NUDCD3: variants seen among roughly 807,000 people sequenced by gnomAD.
The protein encoded by NUDCD3 is NudC domain containing 3, also known as nudC domain-containing protein 3.
In NUDCD3, 13 loss-of-function variants were observed where a neutral mutation model predicts 39.7. The ratio of observed to expected loss-of-function variants is 0.33; its 90% CI spans 0.21 to 0.52. The LOEUF (loss-of-function observed/expected upper bound fraction) is 0.52, where lower values mean the gene tolerates loss of function less well. Among genes scored for constraint, NUDCD3 ranks in the 20% least tolerant of loss-of-function variants. NUDCD3 has a pLI of 0.96. For missense variants in NUDCD3, 453 were observed against 458.1 expected (o/e 0.99, Z 0.10); for synonymous variants, 175 against 172.4 (o/e 1.02, Z -0.12).
intron 2 of NUDCD3, among the ~76,000 whole-genome samples, chr7:44,472,354 G>C (rs1374248444): frequency 6.6e-6 from 1 of 152,172 alleles, no homozygotes; most frequent in Non-Finnish European, 1.5e-5. Context: ...CGATATTGGT[G>C]TATAGGACTT....
intron 2 of NUDCD3, among the ~76,000 whole-genome samples, chr7:44,474,734 T>C (rs1158658588): frequency 6.6e-6 from 1 of 152,186 alleles, no homozygotes; most frequent in Non-Finnish European, 1.5e-5. Context: ...AAAAATGCAA[T>C]GTTTCTTGTG....
chr7:44,403,831 G>A (rs184195496), intron 4 of NUDCD3, among the ~76,000 whole-genome samples: 15 of 152,266 alleles, frequency 9.9e-5, no homozygotes, highest in Admixed American at 3.3e-4. Context: ...AAGGAAACAA[G>A]TTAGTTCAGA....
intron 2 of NUDCD3, among the ~76,000 whole-genome samples, chr7:44,466,802 G>T (rs529607305): frequency 1.4e-4 from 21 of 152,344 alleles, no homozygotes; most frequent in African/African-American, 4.6e-4. Flanking sequence ...TGCAAAGCAG[G>T]AGGCATGCTA....
chr7:44,429,566 G>C (rs900199249), intron 2 of NUDCD3, among the ~76,000 whole-genome samples: 1 of 152,136 alleles, frequency 6.6e-6, no homozygotes, highest in African/African-American at 2.4e-5. Context: ...AACATTTTTC[G>C]TTTAAGCCGG....
chr7:44,429,751 G>C (rs1348726847), intron 2 of NUDCD3, among the ~76,000 whole-genome samples: 1 of 152,154 alleles, frequency 6.6e-6, no homozygotes, highest in African/African-American at 2.4e-5. Context: ...CTGTGGGACA[G>C]AGAGATGACA....
chr7:44,470,031 A>AGC (rs2116963384), intron 2 of NUDCD3, among the ~76,000 whole-genome samples: 1 of 152,364 alleles, frequency 6.6e-6, no homozygotes, highest in Admixed American at 6.5e-5. Flanking sequence ...CAAGGTCTAC[A>AGC]GATGAGCTAA....
intron 2 of NUDCD3, among the ~76,000 whole-genome samples, chr7:44,435,962 G>A (rs1413427977): frequency 6.6e-6 from 1 of 152,144 alleles, no homozygotes; most frequent in African/African-American, 2.4e-5. Flanking sequence ...TCTAGAATCA[G>A]GGAAATTATA....
In NUDCD3 at chr7:44,385,718, G is replaced by C. The variant is rs1421440705; in HGVS notation, c.*293C>G. 3 of 407,198 alleles carry C rather than the reference G, an allele frequency of 7.4e-6. No individual in the cohort carries two copies. Among genetic ancestry groups the C allele is most frequent in the Non-Finnish European group, 1.3e-5 (3 of 226,358 alleles). 25.2% of individuals were successfully genotyped at this position (407,198 alleles called of 1,614,324 possible). On this transcript the variant is annotated 3_prime_UTR_variant, in exon 6 of 6. Coordinates refer to ENST00000355451, the MANE Select transcript of NUDCD3 (RefSeq NM_015332.4). The stretch of plus-strand genomic sequence containing the variant: ...GACATGCTGCCTGCAGTGGCTGGTT[G>C]CTGTGGAGACAAAAGCATGTGATCC...
chr7:44,431,317 C>G (rs1799357739), intron 2 of NUDCD3, among the ~76,000 whole-genome samples: 1 of 152,198 alleles, frequency 6.6e-6, no homozygotes, highest in African/African-American at 2.4e-5. Context: ...GCAGCTCCCA[C>G]TCCTGATGAG....
At chr7:44,392,614 G>T in intron 4 of NUDCD3, 129 bp from the exon 5 acceptor site, 1 of 759,876 alleles carries the variant, frequency 1.3e-6, no homozygotes, top group Non-Finnish European at 2.1e-6. Context: ...AAAGGGAGGT[G>T]ACAGACAAGA....
Position 44,490,567 on chromosome 7 carries a change from C to G in NUDCD3, c.34G>C (p.Ala12Pro). Reference sequence around the variant, plus strand: ...ACGTGCTGCAGGATGCCCAAAAGGGCCTGGTCATACAGCTCGGCCGCCCCT... The same window carrying G: ...ACGTGCTGCAGGATGCCCAAAAGGGGCTGGTCATACAGCTCGGCCGCCCCT... ...ETGAAELYDQ[A>P]LLGILQHVGN... Residue 12 changes from alanine (A) to proline (P), a missense_variant, in exon 1 of 6, where the codon GCC becomes CCC. Physicochemically the swap from Ala to Pro is conservative, Grantham distance 27. Transcript: ENST00000355451. 1 of 1,611,648 alleles carries G rather than the reference C, an allele frequency of 6.2e-7. No individual in the cohort carries two copies. Among genetic ancestry groups the G allele is most frequent in the Non-Finnish European group, 8.5e-7 (1 of 1,178,986 alleles).
At chr7:44,454,548 C>A (rs1282099011) in intron 2 of NUDCD3, among the ~76,000 whole-genome samples, 1 of 152,204 alleles carries the variant, frequency 6.6e-6, no homozygotes, top group African/African-American at 2.4e-5. Flanking sequence ...GCTATGCCAG[C>A]TGCCTCTGTG....
intron 1 of NUDCD3, 50 bp downstream of exon 1, chr7:44,490,359 G>A (rs1345531264): frequency 3.4e-6 from 5 of 1,471,526 alleles, no homozygotes; most frequent in Non-Finnish European, 4.5e-6. Context: ...CCAGGAGTCA[G>A]GGCAGGCCGG....
chr7:44,437,069 C>CTTT (rs35904938), intron 2 of NUDCD3, among the ~76,000 whole-genome samples: 18 of 117,294 alleles, frequency 1.5e-4, no homozygotes, highest in Non-Finnish European at 2.5e-4. Context: ...CTTTTCTTTT[C>CTTT]TTTTTTTTTT....
chr7:44,417,592 T>A lies in NUDCD3; in HGVS notation c.642+9979A>T, dbSNP rs192862561. 1.2e-4 allele frequency among the ~76,000 whole-genome samples: 18 copies of A among 152,326 alleles called. No homozygotes were observed. In the Middle Eastern group the frequency reaches 0.01, roughly 86 times the overall value. On this transcript the variant is annotated intron_variant, in intron 3 of 5. Transcript: ENST00000355451. ...TGTAAATTTTTTTTAGCCAAGTGAA[T>A]GAAGCATGGCAATCGATGCTTTTCC...
At chr7:44,459,472 G>C (rs1014699294) in intron 2 of NUDCD3, among the ~76,000 whole-genome samples, 4 of 152,082 alleles carry the variant, frequency 2.6e-5, no homozygotes, top group Non-Finnish European at 5.9e-5. Flanking sequence ...ACAGGAATAA[G>C]CCACCATGCC....
At chr7:44,386,718 A>G (rs1434582785) in intron 5 of NUDCD3, among the ~76,000 whole-genome samples, 1 of 152,198 alleles carries the variant, frequency 6.6e-6, no homozygotes, top group African/African-American at 2.4e-5. Context: ...TCCCCACTGC[A>G]TCCTTGCAGA....
At chr7:44,420,407 C>A (rs571087474) in intron 3 of NUDCD3, among the ~76,000 whole-genome samples, 42 of 152,234 alleles carry the variant, frequency 2.8e-4, no homozygotes, top group South Asian at 1.0e-3. Flanking sequence ...GAGAATGGAA[C>A]CAAGTTGGAA....
At chr7:44,474,764 C>T (rs1268070247) in intron 2 of NUDCD3, among the ~76,000 whole-genome samples, 1 of 152,186 alleles carries the variant, frequency 6.6e-6, no homozygotes, top group Non-Finnish European at 1.5e-5. Flanking sequence ...TAAAAGTCCT[C>T]CTAACAACTT....
Sources: gnomAD v4.1 joint callset for allele counts (sites outside exome capture counted in the v4.1 genomes callset) on GRCh38, gnomAD v4.1.1 for gene constraint, MANE v1.5 for transcripts, NCBI Gene and HGNC (gene_info 2026-07-23, HGNC 2026-07-21) for gene names.